Variants in ESPN observed in about 807,000 individuals in gnomAD.
The protein encoded by ESPN is espin.
A neutral mutation model predicts 77.7 loss-of-function variants in ESPN; 68 were observed. That is an observed-to-expected ratio of 0.87 (90% CI 0.72 to 1.07). The LOEUF (loss-of-function observed/expected upper bound fraction) is 1.07. ESPN is among the 50% of genes least tolerant of loss of function. The pLI is 0.00. For synonymous variants in ESPN, 449 were observed against 567.1 expected, an observed-to-expected ratio of 0.79 and a Z score of 2.96; for missense variants, 1,060 against 1,239.0, an observed-to-expected ratio of 0.86 and a Z score of 2.17.
chr1:6,435,814 T>C (rs891214824), intron 2 of ESPN, among the ~76,000 whole-genome samples: 1 of 152,264 alleles, frequency 6.6e-6, no homozygotes. Flanking sequence ...GGAAGGATCC[T>C]AAAGTTCAGC....
intron 10 of ESPN, among the ~76,000 whole-genome samples, chr1:6,452,439 C>A (rs1465506105): frequency 6.6e-6 from 1 of 152,116 alleles, no homozygotes; most frequent in Non-Finnish European, 1.5e-5. Flanking sequence ...CAGGCATGAA[C>A]CACCGTGCCC....
In ESPN at chr1:6,460,329, C is replaced by G; in HGVS notation, c.*183C>G. 1.4e-6 allele frequency: 1 copy of G among 719,230 alleles called. No individual in the cohort carries two copies. The highest frequency in any genetic ancestry group is 2.3e-6 in the Non-Finnish European group (1 of 444,066). 44.6% of individuals were successfully genotyped at this position (719,230 alleles called of 1,614,324 possible). On this transcript the variant is annotated 3_prime_UTR_variant, in exon 13 of 13. Transcript: ENST00000645284. ...GCCCTTGGCAACACTGGAGTGCACA[C>G]GCCGCCACGGTTGCCCAGAAAAAGT...
chr1:6,433,380 G>A (rs547089844), intron 2 of ESPN, among the ~76,000 whole-genome samples: 11 of 152,078 alleles, frequency 7.2e-5, no homozygotes, highest in Admixed American at 6.5e-4. Context: ...GAAGGCGGAG[G>A]TTGCAGTGAA....
chr1:6,452,996 G>C (rs1411963286), intron 10 of ESPN, among the ~76,000 whole-genome samples: 1 of 152,000 alleles, frequency 6.6e-6, no homozygotes, highest in African/African-American at 2.4e-5. Flanking sequence ...GGGTTCAAGC[G>C]ATTCTCCCGC....
intron 10 of ESPN, chr1:6,455,593 C>A: frequency 2.5e-6 from 1 of 399,248 alleles, no homozygotes; most frequent in Admixed American, 4.4e-5. Flanking sequence ...CACTTCCTGC[C>A]GCCCCTGGAC....
At chr1:6,456,866 T>TG (rs1340456035) in intron 10 of ESPN, among the ~76,000 whole-genome samples, 1 of 152,182 alleles carries the variant, frequency 6.6e-6, no homozygotes, top group Non-Finnish European at 1.5e-5. Context: ...CCAGAGGTCT[T>TG]GGGCCTGTGG....
Position 6,440,239 on chromosome 1 carries a change from G to T in ESPN, c.489-15G>T. ...GAGGCGCTGAAAGCCCACGGTGGGC[G>T]CTGTGTCTCCGCAGGGGAGTGAATG... On this transcript the variant is annotated splice_polypyrimidine_tract_variant and intron_variant, in intron 2 of 12. Transcript: ENST00000645284. 3 of 1,547,592 alleles carry T rather than the reference G, an allele frequency of 1.9e-6. No homozygotes were observed. The highest frequency in any genetic ancestry group is 2.4e-5 in the South Asian group (2 of 83,964).
At position 6,460,935 on chromosome 1, in the gene ESPN, G is replaced by A. The variant is rs1290656094; in HGVS notation, c.*789G>A. 5.5e-6 allele frequency: 2 copies of A among 362,432 alleles called. No individual in the cohort carries two copies. The highest frequency in any genetic ancestry group is 1.1e-5 in the Non-Finnish European group (2 of 177,816). The allele number at this position is 362,432 out of a possible 1,614,324, so 22.5% of individuals were successfully genotyped here. The stretch of plus-strand genomic sequence containing the variant: ...ATTAAAGCGCTCTCATCTGGGCTCC[G>A]GTTCACTCACTCGCTGTGGCCGCGA... On this transcript the variant is annotated 3_prime_UTR_variant, in exon 13 of 13. Coordinates refer to ENST00000645284, the MANE Select transcript of ESPN (RefSeq NM_031475.3).
chr1:6,426,659 G>T (rs1418797300), intron 1 of ESPN, among the ~76,000 whole-genome samples: 2 of 152,148 alleles, frequency 1.3e-5, no homozygotes, highest in East Asian at 3.8e-4. Context: ...ACCACTTAGA[G>T]GCCCAGAGCC....
intron 6 of ESPN, among the ~76,000 whole-genome samples, chr1:6,445,267 G>GC (rs1410922710): frequency 8.5e-5 from 13 of 152,256 alleles, no homozygotes; most frequent in African/African-American, 3.1e-4. Context: ...CCCTGAGCAT[G>GC]GGCGTCCGTC....
At position 6,445,900 on chromosome 1, in the gene ESPN, C is replaced by G. The variant is rs755772660; in HGVS notation, c.1429C>G (p.Leu477Val). The G allele has an allele frequency of 6.2e-7, 1 of 1,612,262 alleles. No individual in the cohort carries two copies. Among genetic ancestry groups the G allele is most frequent in the South Asian group, 1.1e-5 (1 of 91,002 alleles). The change falls in exon 7 of 13, where the codon CTC becomes GTC. Residue 477 changes from leucine (L) to valine (V), a missense_variant. Coordinates refer to ENST00000645284, the MANE Select transcript of ESPN (RefSeq NM_031475.3). ...ADIYMQTKNK[L>V]RHVETEALKK... is the part of the protein sequence containing the mutation. ...CATCTACATGCAGACCAAGAACAAA[C>G]TCCGCCACGTGGAGACAGAGGCCCT...
At chr1:6,435,745 G>A (rs1380211392) in intron 2 of ESPN, among the ~76,000 whole-genome samples, 1 of 152,196 alleles carries the variant, frequency 6.6e-6, no homozygotes, top group East Asian at 1.9e-4. Flanking sequence ...TACTTGGCAG[G>A]ACCTGGACAC....
intron 3 of ESPN, 23 bp from the exon 4 acceptor site, chr1:6,440,603 C>CAAAAG: frequency 2.4e-6 from 3 of 1,261,252 alleles, no homozygotes; most frequent in South Asian, 1.3e-5. Context: ...CCCCGCCCCC[C>CAAAAG]TCTCCCCGCC....
chr1:6,453,137 G>A (rs556034141), intron 10 of ESPN, among the ~76,000 whole-genome samples: 6 of 152,140 alleles, frequency 3.9e-5, no homozygotes, highest in African/African-American at 9.7e-5. Flanking sequence ...CAAGTGATCC[G>A]CCTGCCTCGG....
In ESPN at chr1:6,451,244, G is replaced by C. The variant is rs755523275; in HGVS notation, c.1916-359G>C. 58 of 381,960 alleles carry C rather than the reference G, an allele frequency of 1.5e-4. No individual in the cohort carries two copies. The highest frequency in any genetic ancestry group is 2.7e-4 in the Non-Finnish European group (54 of 200,432). 23.7% of individuals were successfully genotyped at this position (381,960 alleles called of 1,614,324 possible). The stretch of plus-strand genomic sequence containing the variant: ...CCAGCCGGGCTGAGCCAGGGAACCT[G>C]GGACAAAGGTCAGGTGGCTGATTCC... On this transcript the variant is annotated intron_variant, in intron 8 of 12. Coordinates refer to ENST00000645284, the MANE Select transcript of ESPN (RefSeq NM_031475.3). This position sits in a 1 kb window ranked among gnomAD's most constrained non-coding sequence, Gnocchi z 4.3.
At chr1:6,453,054 C>T (rs1643980534) in intron 10 of ESPN, among the ~76,000 whole-genome samples, 1 of 152,164 alleles carries the variant, frequency 6.6e-6, no homozygotes, top group Admixed American at 6.5e-5. Context: ...CAACAATGCC[C>T]TGCTAATTTT....
rs2148531246 is a variant in ESPN, at chr1:6,447,614, G to A, written c.1465-1027G>A. 6.6e-6 allele frequency among the ~76,000 whole-genome samples: 1 copy of A among 152,310 alleles called. No individual in the cohort carries two copies. Among genetic ancestry groups the A allele is most frequent in the East Asian group, 1.9e-4 (1 of 5,184 alleles). On this transcript the variant is annotated intron_variant, in intron 7 of 12. Coordinates refer to ENST00000645284, the MANE Select transcript of ESPN (RefSeq NM_031475.3). This position sits in a 1 kb window ranked among gnomAD's most constrained non-coding sequence, Gnocchi z 5.2. ...TAGTTGGGGGCAGCTGCGATGGGGT[G>A]GGAAGCCACGCTGTCACCCGACCCC...
At chr1:6,429,077 G>A (rs910393802) in intron 2 of ESPN, among the ~76,000 whole-genome samples, 3 of 151,294 alleles carry the variant, frequency 2.0e-5, no homozygotes, top group Non-Finnish European at 4.4e-5. Context: ...ACAGAGCAGG[G>A]GGCATGTGTG....
At chr1:6,455,800 AGGCC>A in intron 10 of ESPN, 1 of 398,884 alleles carries the variant, frequency 2.5e-6, no homozygotes, top group Non-Finnish European at 4.4e-6. Flanking sequence ...GAGGAGGTGG[AGGCC>A]GGCCGGCGCG....
Sources: gnomAD v4.1 joint callset for allele counts (sites outside exome capture counted in the v4.1 genomes callset) on GRCh38, gnomAD v4.1.1 for gene constraint, Gnocchi (gnomAD v3.1) non-coding constraint, MANE v1.5 for transcripts, NCBI Gene and HGNC (gene_info 2026-07-23, HGNC 2026-07-21) for gene names.